PZP: variants seen among roughly 807,000 people sequenced by gnomAD.
PZP encodes pregnancy zone protein.
PZP carries 150 observed loss-of-function variants against 179.8 expected under a neutral mutation model. The observed-to-expected ratio is 0.83, with a 90% CI of 0.73 to 0.96. The LOEUF (loss-of-function observed/expected upper bound fraction) is 0.96. Ranked by LOEUF, PZP falls within the 40% of genes least tolerant of loss-of-function variation. The pLI is 0.00. For synonymous variants in PZP, 624 were observed against 652.3 expected, an observed-to-expected ratio of 0.96 and a Z score of 0.66; for missense variants, 1,689 against 1,764.0, an observed-to-expected ratio of 0.96 and a Z score of 0.76.
At chr12:9,202,124 A>G (rs779938307) in intron 4 of PZP, among the ~76,000 whole-genome samples, 195 bp downstream of exon 4, 4 of 152,210 alleles carry the variant, frequency 2.6e-5, no homozygotes, top group Non-Finnish European at 4.4e-5. Context: ...AAATACTGTT[A>G]TAAGAGAAAG....
chr12:9,178,035 C>T (rs1028778002), intron 15 of PZP, among the ~76,000 whole-genome samples: 1 of 152,046 alleles, frequency 6.6e-6, no homozygotes, highest in African/African-American at 2.4e-5. Flanking sequence ...TTGTCTCTTG[C>T]CTAATAATTA....
At position 9,192,683 on chromosome 12, in the gene PZP, G is replaced by C; in HGVS notation, c.1311C>G (p.His437Gln). ...GATTTGCAGTGTGCTGAGCACCCTG[G>C]TGGTCTTCTGCTACCCATGAATAGT... ...CFHYSWVAED[H>Q]QGAQHTANRV... The change falls in exon 12 of 36, where the codon CAC becomes CAG. Residue 437 changes from histidine (H) to glutamine (Q), a missense_variant. Physicochemically the swap from His to Gln is conservative, Grantham distance 24. This residue lies in a region of PZP where 742 missense variants were observed against 730.5 expected (regional missense o/e 1.02). Transcript: ENST00000261336. 6.2e-7 allele frequency: 1 copy of C among 1,613,944 alleles called. No homozygotes were observed. The highest frequency in any genetic ancestry group is 8.5e-7 in the Non-Finnish European group (1 of 1,179,790).
At chr12:9,202,263 C>G (rs1337461541) in intron 4 of PZP, 56 bp downstream of exon 4, 23 of 1,436,996 alleles carry the variant, frequency 1.6e-5, no homozygotes, top group Non-Finnish European at 2.3e-5. Context: ...CTACCTCACT[C>G]TGGGTGAGTA....
chr12:9,152,371 C>T (rs1940421263), intron 31 of PZP, 61 bp from the exon 32 acceptor site: 2 of 1,230,686 alleles, frequency 1.6e-6, no homozygotes, highest in East Asian at 4.7e-5. Flanking sequence ...CAAATTTCTG[C>T]TTTCAAGCAT....
chr12:9,157,483 T>C lies in PZP; in HGVS notation c.3370-128A>G, dbSNP rs1592450758. On this transcript the variant is annotated intron_variant, in intron 27 of 35. Coordinates refer to ENST00000261336, the MANE Select transcript of PZP (RefSeq NM_002864.3). ...AGATAGGCAGACAGCTAGATATTCATCATATTTAAATAGAAAAATATTTCG... is the reference window on the plus strand; with the variant it reads ...AGATAGGCAGACAGCTAGATATTCACCATATTTAAATAGAAAAATATTTCG... 8 of 892,218 alleles carry C rather than the reference T, an allele frequency of 9.0e-6. No individual in the cohort carries two copies. In the African/African-American group the frequency reaches 1.0e-4, roughly 11 times the overall value. The allele number at this position is 892,218 out of a possible 1,614,324, so 55.3% of individuals were successfully genotyped here.
chr12:9,183,703 T>A (rs955740629), intron 13 of PZP, among the ~76,000 whole-genome samples: 3 of 152,240 alleles, frequency 2.0e-5, no homozygotes, highest in Non-Finnish European at 2.9e-5. Context: ...TTTACTTTTT[T>A]AAAATGATTA....
intron 13 of PZP, among the ~76,000 whole-genome samples, chr12:9,189,510 T>G (rs1454873118): frequency 6.6e-6 from 1 of 152,220 alleles, no homozygotes. Flanking sequence ...GTTAAAGACT[T>G]AAATGTAAAA....
In PZP at chr12:9,196,427, G is replaced by A; in HGVS notation, c.995C>T (p.Thr332Ile). Residue 332 changes from threonine to isoleucine, a missense_variant, in exon 10 of 36, where the codon ACT (threonine) becomes ATT (isoleucine). Physicochemically the swap from Thr to Ile is moderately conservative, Grantham distance 89 (BLOSUM62 -1). This residue lies in a region of PZP where 742 missense variants were observed against 730.5 expected (regional missense o/e 1.02). Transcript: ENST00000261336. ...TGTGATTTCACTGATCCTGTTTGCA[G>A]TGACTTCCAGGTCTGAAAAATATAA... Reference protein sequence around the residue: ...IREEGTDLEVTANRISEITNI... With the variant: ...IREEGTDLEVIANRISEITNI... The A allele has an allele frequency of 1.2e-6, 2 of 1,612,112 alleles. No individual in the cohort carries two copies. Among genetic ancestry groups the A allele is most frequent in the South Asian group, 2.2e-5 (2 of 91,008 alleles).
Position 9,158,524 on chromosome 12 carries a change from T to A in PZP, c.3190A>T (p.Ile1064Phe), listed in dbSNP as rs747091984. Residue 1064 changes from isoleucine to phenylalanine, a missense_variant, in exon 26 of 36, where the codon ATT becomes TTT. Around this residue, in one of 3 missense-constraint regions of PZP, gnomAD observed 746 missense variants for 749.2 expected, o/e 1.00. Transcript: ENST00000261336. The stretch of plus-strand genomic sequence containing the variant: ...GATTGGGTAATGTGTGCTTCATCAA[T>A]GAAGATGTAGGATCGAGCCTGGGCG... ...TFAQARSYIF[I>F]DEAHITQSLT... 6.2e-7 allele frequency: 1 copy of A among 1,614,112 alleles called. No homozygotes were observed. Among genetic ancestry groups the A allele is most frequent in the Non-Finnish European group, 8.5e-7 (1 of 1,180,004 alleles).
chr12:9,202,445 G>A (rs770311363), intron 3 of PZP, 74 bp from the exon 4 acceptor site: 11 of 1,612,132 alleles, frequency 6.8e-6, no homozygotes, highest in African/African-American at 2.7e-5. Context: ...AGGAGGCTAC[G>A]GGGCTAGGAT....
At chr12:9,163,080 G>T (rs1941328051) in intron 21 of PZP, among the ~76,000 whole-genome samples, 1 of 151,972 alleles carries the variant, frequency 6.6e-6, no homozygotes, top group Non-Finnish European at 1.5e-5. Context: ...AAGAACCAGG[G>T]AGGGTGGTAG....
chr12:9,195,848 TAA>T (rs1412414272), intron 10 of PZP, among the ~76,000 whole-genome samples: 21 of 146,906 alleles, frequency 1.4e-4, no homozygotes, highest in African/African-American at 2.8e-4. Flanking sequence ...TTAAAATATA[TAA>T]GTTAAACATA....
intron 15 of PZP, among the ~76,000 whole-genome samples, chr12:9,172,641 A>C (rs1398485935): frequency 6.6e-6 from 1 of 152,166 alleles, no homozygotes; most frequent in African/African-American, 2.4e-5. Context: ...GATGGAGGAA[A>C]ATTTACCAAG....
chr12:9,187,077 C>CAA (rs59000486), intron 13 of PZP, among the ~76,000 whole-genome samples: 30,465 of 128,206 alleles, frequency 0.24, 3,627 homozygotes, highest in East Asian at 0.39. Flanking sequence ...CAAGAAAGGT[C>CAA]AAAAAAAAAA....
chr12:9,206,567 C>G (rs1418728692), intron 1 of PZP, among the ~76,000 whole-genome samples: 1 of 152,150 alleles, frequency 6.6e-6, no homozygotes, highest in Admixed American at 6.5e-5. Flanking sequence ...TTAATTTTCT[C>G]TTTTTCATTT....
At position 9,194,083 on chromosome 12, in the gene PZP, A is replaced by T; in HGVS notation, c.1248T>A (p.Phe416Leu). Reference protein sequence around the residue: ...NTTSISVNKLFVRVFTVHPNL... With the variant: ...NTTSISVNKLLVRVFTVHPNL... Reference sequence around the variant, plus strand: ...TTTGTCTTTCTATACTTACCCGGACAAAAAGTTTATTAACCGAGATACTGG... The same window carrying T: ...TTTGTCTTTCTATACTTACCCGGACTAAAAGTTTATTAACCGAGATACTGG... Residue 416 changes from phenylalanine to leucine, a missense_variant, in exon 11 of 36, where the codon TTT (phenylalanine) becomes TTA (leucine). This residue lies in a region of PZP where 742 missense variants were observed against 730.5 expected (regional missense o/e 1.02). Transcript: ENST00000261336. The T allele has an allele frequency of 1.9e-6, 3 of 1,613,190 alleles. No individual in the cohort carries two copies. The highest frequency in any genetic ancestry group is 2.5e-6 in the Non-Finnish European group (3 of 1,179,428).
At chr12:9,143,715 T>C in the PZP span, among the ~76,000 whole-genome samples, 3 of 152,172 alleles carry the variant, frequency 2.0e-5, no homozygotes. Flanking sequence ...GCTGTCATTA[T>C]CTAATTTGCA....
Position 9,149,014 on chromosome 12 carries a change from G to A in PZP, c.4427-20C>T, listed in dbSNP as rs371293810. ...CTGTATCTATGGAGAAAAGAAAAAC[G>A]TAAGGAGGTTGTATCATTTCCTGAG... On this transcript the variant is annotated intron_variant, in intron 35 of 35. Coordinates refer to ENST00000261336, the MANE Select transcript of PZP (RefSeq NM_002864.3). 2.2e-5 allele frequency: 35 copies of A among 1,606,962 alleles called. 1 individual carries two copies. Among genetic ancestry groups the A allele is most frequent in the South Asian group, 1.7e-4 (15 of 90,896 alleles).
At chr12:9,164,038 T>C in intron 20 of PZP, 95 bp downstream of exon 20, 1 of 1,446,378 alleles carries the variant, frequency 6.9e-7, no homozygotes, top group Non-Finnish European at 9.4e-7. Context: ...TAGAATTATA[T>C]CTATGGCAAA....
Sources: allele counts gnomAD v4.1 joint callset (sites outside exome capture counted in the v4.1 genomes callset), GRCh38; gene constraint gnomAD v4.1.1; regional missense constraint gnomAD v4.1.1; transcripts MANE v1.5; gene names NCBI Gene and HGNC (gene_info 2026-07-23, HGNC 2026-07-21).